FBXL2: variants seen among roughly 807,000 people sequenced by gnomAD.
FBXL2 encodes the protein F-box and leucine rich repeat protein 2.
FBXL2 carries 38 observed loss-of-function variants against 69.2 expected under a neutral mutation model. That is an observed-to-expected ratio of 0.55 (90% CI 0.42 to 0.72). FBXL2 has a LOEUF of 0.72. Ranked by LOEUF, FBXL2 falls within the 30% of genes least tolerant of loss-of-function variation. FBXL2 has a pLI of 0.00. For missense variants in FBXL2, 354 were observed against 520.3 expected, an observed-to-expected ratio of 0.68 and a Z score of 3.11; for synonymous variants, 192 against 201.3, an observed-to-expected ratio of 0.95 and a Z score of 0.39.
At chr3:33,346,527 C>A (rs1341954073) in intron 2 of FBXL2, among the ~76,000 whole-genome samples, 1 of 151,912 alleles carries the variant, frequency 6.6e-6, no homozygotes, top group Non-Finnish European at 1.5e-5. Flanking sequence ...CCACTGTACT[C>A]CATCCTGGGT....
chr3:33,414,266 G>A, the FBXL2 span: 1 of 151,836 alleles, frequency 6.6e-6, no homozygotes, highest in Non-Finnish European at 1.5e-5. Flanking sequence ...GGGAGGAAGG[G>A]AAAGAAAAAG....
intron 12 of FBXL2, chr3:33,403,093 C>T (rs1486654883): frequency 5.6e-6 from 3 of 536,618 alleles, no homozygotes; most frequent in African/African-American, 1.9e-5. Flanking sequence ...CTGCTGTGTG[C>T]GTCTAGACAC....
downstream of FBXL2, chr3:33,390,727 G>C (rs769988271): frequency 4.2e-6 from 1 of 239,010 alleles, no homozygotes; most frequent in African/African-American, 2.2e-5. Context: ...TCAGGGCAGA[G>C]GACCTGAGGG....
At chr3:33,277,279 A>C, upstream of FBXL2, 1 of 393,322 alleles carries the variant, frequency 2.5e-6, no homozygotes, top group Non-Finnish European at 4.5e-6. Flanking sequence ...GACTGAGAGG[A>C]TGGACCAGAT....
intron 2 of FBXL2, chr3:33,303,214 C>T (rs1374011714): frequency 2.2e-6 from 1 of 454,658 alleles, no homozygotes; most frequent in Admixed American, 2.4e-5. Context: ...AGCATCTATG[C>T]AGATTTTCCC....
the FBXL2 span, among the ~76,000 whole-genome samples, chr3:33,422,418 A>C: frequency 6.6e-6 from 1 of 151,864 alleles, no homozygotes; most frequent in African/African-American, 2.4e-5. Context: ...GGGAGGAGGG[A>C]GGAAAGAAGA....
intron 2 of FBXL2, among the ~76,000 whole-genome samples, chr3:33,312,132 C>T (rs909469753): frequency 1.3e-5 from 2 of 152,122 alleles, no homozygotes; most frequent in Non-Finnish European, 2.9e-5. Context: ...TCATAGCTCA[C>T]TACAGCCTCG....
chr3:33,281,225 T>G (rs2033967624), intron 1 of FBXL2, among the ~76,000 whole-genome samples: 1 of 151,682 alleles, frequency 6.6e-6, no homozygotes, highest in South Asian at 2.1e-4. Flanking sequence ...CCCCAGTGTG[T>G]GATGTTCCCC....
At chr3:33,322,461 T>C (rs958712383) in intron 2 of FBXL2, among the ~76,000 whole-genome samples, 1 of 152,110 alleles carries the variant, frequency 6.6e-6, no homozygotes, top group South Asian at 2.1e-4. Context: ...GTTCATTGAC[T>C]GGAATGTTGG....
At chr3:33,296,595 A>ATATATCCAG (rs1228814699) in intron 1 of FBXL2, among the ~76,000 whole-genome samples, 2 of 152,132 alleles carry the variant, frequency 1.3e-5, no homozygotes. Flanking sequence ...TTTTGCTTGT[A>ATATATCCAG]TATATCCAGT....
chr3:33,326,517 AAAAG>A (rs1433816331), intron 2 of FBXL2, among the ~76,000 whole-genome samples: 11 of 151,912 alleles, frequency 7.2e-5, no homozygotes, highest in African/African-American at 2.2e-4. Context: ...AAAAAAAAAA[AAAAG>A]AAAAGAAAAT....
the FBXL2 span, chr3:33,416,640 C>T: frequency 2.7e-6 from 2 of 734,572 alleles, no homozygotes; most frequent in Non-Finnish European, 4.3e-6. Flanking sequence ...CAAAATATAG[C>T]TCATAAAGTT....
chr3:33,313,213 C>T (rs2037371407), intron 2 of FBXL2, among the ~76,000 whole-genome samples: 1 of 150,596 alleles, frequency 6.6e-6, no homozygotes, highest in Non-Finnish European at 1.5e-5. Context: ...AAAGTCACAA[C>T]CTACCAAAAC....
chr3:33,354,587 T>C (rs528484532), intron 2 of FBXL2, among the ~76,000 whole-genome samples: 1 of 151,942 alleles, frequency 6.6e-6, no homozygotes, highest in Admixed American at 6.6e-5. Context: ...AATGGAAATA[T>C]TTTACAGTCT....
chr3:33,367,804 C>T (rs547467999), intron 5 of FBXL2, among the ~76,000 whole-genome samples: 1 of 152,072 alleles, frequency 6.6e-6, no homozygotes, highest in Non-Finnish European at 1.5e-5. Context: ...AAGATGGAAG[C>T]TGAAGTCATT....
intron 2 of FBXL2, among the ~76,000 whole-genome samples, chr3:33,331,073 C>T (rs1028932545): frequency 1.3e-5 from 2 of 151,490 alleles, no homozygotes; most frequent in African/African-American, 4.8e-5. Flanking sequence ...AATGAACTAG[C>T]TAATGCACCC....
chr3:33,390,542 T>C, downstream of FBXL2: 2 of 665,758 alleles, frequency 3.0e-6, no homozygotes, highest in Non-Finnish European at 2.6e-6. Flanking sequence ...CCAAAAAACT[T>C]CATGTACACA....
At chr3:33,392,657 C>G (rs2043814066), downstream of FBXL2, 1 of 1,542,368 alleles carries the variant, frequency 6.5e-7, no homozygotes, top group African/African-American at 1.4e-5. Flanking sequence ...TAAGATCCAA[C>G]TGTCGTTTCT....
intron 2 of FBXL2, among the ~76,000 whole-genome samples, chr3:33,299,459 A>G (rs2036069641): frequency 6.6e-6 from 1 of 152,200 alleles, no homozygotes; most frequent in Admixed American, 6.5e-5. Context: ...TTGGGGAATG[A>G]CTATGAGTTT....
Sources: gnomAD v4.1 joint callset for allele counts (sites outside exome capture counted in the v4.1 genomes callset) on GRCh38, gnomAD v4.1.1 for gene constraint, MANE v1.5 for transcripts, NCBI Gene and HGNC (gene_info 2026-07-23, HGNC 2026-07-21) for gene names.